The following FHAD1 variants were observed in gnomAD, a reference collection of about 807,000 sequenced individuals.
FHAD1 encodes forkhead associated phosphopeptide binding domain 1, also known as forkhead-associated domain-containing protein 1.
FHAD1 carries 146 observed loss-of-function variants against 191.3 expected under a neutral mutation model. That is an observed-to-expected ratio of 0.76 (90% confidence interval 0.67 to 0.88). The LOEUF is 0.88. FHAD1 is among the 40% of genes least tolerant of loss of function. The pLI is 0.00. For synonymous variants in FHAD1, 616 were observed against 672.3 expected, an observed-to-expected ratio of 0.92 and a Z score of 1.29; for missense variants, 1,635 against 1,785.8, an observed-to-expected ratio of 0.92 and a Z score of 1.52.
At chr1:15,302,182 C>T (rs112243031) in intron 6 of FHAD1, among the ~76,000 whole-genome samples, 3,088 of 152,276 alleles carry the variant, frequency 0.02, 77 homozygotes, top group African/African-American at 0.058. Flanking sequence ...GCTGTCACTT[C>T]AGTAACCGCG....
At chr1:15,386,280 C>A (rs1474954544) in intron 31 of FHAD1, among the ~76,000 whole-genome samples, 7 of 152,254 alleles carry the variant, frequency 4.6e-5, no homozygotes, top group Non-Finnish European at 1.0e-4. Context: ...GGGGCAGTGC[C>A]TGCATCGCTT....
chr1:15,267,576 TGG>T (rs1425455282), intron 2 of FHAD1, among the ~76,000 whole-genome samples: 1 of 152,036 alleles, frequency 6.6e-6, no homozygotes, highest in Non-Finnish European at 1.5e-5. Flanking sequence ...GGAACCCATC[TGG>T]GCCTGGTGCT....
At chr1:15,357,960 C>T (rs1230185678) in intron 20 of FHAD1, 150 bp from the exon 21 acceptor site, 2 of 590,280 alleles carry the variant, frequency 3.4e-6, no homozygotes. Context: ...TTGGAACCTT[C>T]CAGAGAAGGC....
Position 15,276,581 on chromosome 1 carries a change from G to A in FHAD1, c.300+4052G>A, listed in dbSNP as rs1468146150. On this transcript the variant is annotated intron_variant, in intron 3 of 33. Coordinates refer to ENST00000688493, the MANE Select transcript of FHAD1 (RefSeq NM_001391957.1). The surrounding 1 kb of genome is among the most constrained non-coding windows in gnomAD (Gnocchi z 4.7). Reference sequence around the variant, plus strand: ...TTTGGGAGGCCAAGGCAGGAGGATCGCTTGAGGCCAGGAGTTCAAGACCAG... The same window carrying A: ...TTTGGGAGGCCAAGGCAGGAGGATCACTTGAGGCCAGGAGTTCAAGACCAG... 3.3e-5 allele frequency among the ~76,000 whole-genome samples: 5 copies of A among 152,082 alleles called. No individual in the cohort carries two copies. The highest frequency in any genetic ancestry group is 1.3e-4 in the Admixed American group (2 of 15,276).
At chr1:15,271,330 A>C (rs540383114) in intron 2 of FHAD1, among the ~76,000 whole-genome samples, 4 of 152,216 alleles carry the variant, frequency 2.6e-5, no homozygotes, top group African/African-American at 7.2e-5. Flanking sequence ...AAAGACGAAG[A>C]CTTCAGTGTG....
At chr1:15,371,710 G>A (rs753269254) in intron 26 of FHAD1, among the ~76,000 whole-genome samples, 11 of 152,208 alleles carry the variant, frequency 7.2e-5, no homozygotes, top group Non-Finnish European at 1.0e-4. Context: ...GGGCAAACAC[G>A]CATCCTCAAG....
At chr1:15,382,258 G>A (rs1306794316) in intron 31 of FHAD1, 65 bp downstream of exon 31, 24 of 1,495,702 alleles carry the variant, frequency 1.6e-5, no homozygotes, top group South Asian at 5.0e-5. Context: ...AGCAATGGCC[G>A]AGGGTGGTCC....
chr1:15,367,228 C>A (rs563137930), intron 24 of FHAD1, among the ~76,000 whole-genome samples: 56 of 152,202 alleles, frequency 3.7e-4, no homozygotes, highest in African/African-American at 1.0e-3. Flanking sequence ...ATAGTAGCTA[C>A]CTTACACCTG....
At chr1:15,302,598 G>A (rs10927767) in intron 6 of FHAD1, among the ~76,000 whole-genome samples, 7,654 of 152,056 alleles carry the variant, frequency 0.05, 544 homozygotes, top group African/African-American at 0.16. Flanking sequence ...GGTGGCGGGC[G>A]CCTGTAGTCC....
chr1:15,357,156 A>G (rs1387108949), intron 20 of FHAD1, among the ~76,000 whole-genome samples: 1 of 152,226 alleles, frequency 6.6e-6, no homozygotes, highest in Non-Finnish European at 1.5e-5. Context: ...GAGTGTCTAG[A>G]AAGGTCACAG....
In FHAD1 at chr1:15,374,582, AT is replaced by A; in HGVS notation, c.3529del (p.Ser1177LeufsTer27). ...EVIQRQKKAL[S>X]ELRARIKELE... is the part of the protein sequence containing the mutation. ...TCATTCAGCGTCAGAAAAAGGCCTT[AT>A]CTGAACTTCGAGCGCGAATTAAAGA... On this transcript the variant is annotated frameshift_variant, in exon 27 of 34. Coordinates refer to ENST00000688493, the MANE Select transcript of FHAD1 (RefSeq NM_001391957.1). LOFTEE classifies it high-confidence loss of function. 2 of 1,551,696 alleles carry A rather than the reference AT, an allele frequency of 1.3e-6. No individual in the cohort carries two copies. The highest frequency in any genetic ancestry group is 1.7e-6 in the Non-Finnish European group (2 of 1,147,000).
chr1:15,248,030 C>T (rs539978555), intron 1 of FHAD1, among the ~76,000 whole-genome samples: 6 of 151,804 alleles, frequency 4.0e-5, no homozygotes, highest in African/African-American at 1.5e-4. Context: ...AGGGCCCAAC[C>T]CATTCAGCTA....
At chr1:15,402,326 T>TG (rs1707147014), downstream of FHAD1, among the ~76,000 whole-genome samples, 1 of 152,256 alleles carries the variant, frequency 6.6e-6, no homozygotes, top group South Asian at 2.1e-4. Flanking sequence ...GAGCACTTAC[T>TG]TTTTTTTAAA....
chr1:15,293,768 T>C (rs1236750662), intron 4 of FHAD1, among the ~76,000 whole-genome samples: 1 of 152,202 alleles, frequency 6.6e-6, no homozygotes, highest in Non-Finnish European at 1.5e-5. Flanking sequence ...TTGTTATCAT[T>C]GAGTCACATT....
intron 16 of FHAD1, 54 bp from the exon 17 acceptor site, chr1:15,345,029 C>T: frequency 7.1e-7 from 1 of 1,414,318 alleles, no homozygotes. Flanking sequence ...CTGGCAGCGT[C>T]CAAATTCCTG....
chr1:15,239,984 C>T (rs749228873), intron 1 of FHAD1, among the ~76,000 whole-genome samples: 1 of 152,210 alleles, frequency 6.6e-6, no homozygotes, highest in Non-Finnish European at 1.5e-5. Context: ...TACACAGTGG[C>T]GCCCAATTAC....
chr1:15,328,659 A>G lies in FHAD1; in HGVS notation c.1710+230A>G, dbSNP rs533417638. 72 of 388,396 alleles carry G rather than the reference A, an allele frequency of 1.9e-4. No individual in the cohort carries two copies. The South Asian group carries it at 3.5e-3, about 19-fold the overall frequency. 24.1% of individuals were successfully genotyped at this position (388,396 alleles called of 1,614,324 possible). A position where few individuals can be genotyped will look rare whatever the true frequency, so the allele number is the denominator to read the frequency against. On this transcript the variant is annotated intron_variant, in intron 13 of 33. Transcript: ENST00000688493. ...CAAAAAAGATGCCTGAGCATCTTCA[A>G]TTACTGACTTTGAGCGGCCCGCATC...
rs981594410 is a variant in FHAD1 at position 15,276,459 on chromosome 1, A to G, written c.300+3930A>G. Reference sequence around the variant, plus strand: ...TGGTTTACAAAGTACATTGGCACCCACGATATGCTTAAGAGTACACGTTAT... The same window carrying G: ...TGGTTTACAAAGTACATTGGCACCCGCGATATGCTTAAGAGTACACGTTAT... On this transcript the variant is annotated intron_variant, in intron 3 of 33. Transcript: ENST00000688493. The surrounding 1 kb of genome is among the most constrained non-coding windows in gnomAD (Gnocchi z 4.7). 1.3e-5 allele frequency among the ~76,000 whole-genome samples: 2 copies of G among 152,256 alleles called. No individual in the cohort carries two copies. Among genetic ancestry groups the G allele is most frequent in the African/African-American group, 2.4e-5 (1 of 41,462 alleles).
chr1:15,311,257 G>A lies in FHAD1; in HGVS notation c.1040-1800G>A, dbSNP rs776388205. Among the ~76,000 whole-genome samples the A allele has an allele frequency of 2.0e-5, 3 of 152,118 alleles. No homozygotes were observed. Among genetic ancestry groups the A allele is most frequent in the African/African-American group, 2.4e-5 (1 of 41,432 alleles). ...CAGGCGGGAGGGGGCTGCACGGAGAGCACCCCGGAGATCTCAGAGGGTCCG... is the reference window on the plus strand; with the variant it reads ...CAGGCGGGAGGGGGCTGCACGGAGAACACCCCGGAGATCTCAGAGGGTCCG... On this transcript the variant is annotated intron_variant, in intron 7 of 33. Transcript: ENST00000688493. The surrounding 1 kb of genome is among the most constrained non-coding windows in gnomAD (Gnocchi z 4.1).
Sources: allele counts gnomAD v4.1 joint callset (sites outside exome capture counted in the v4.1 genomes callset), GRCh38; gene constraint gnomAD v4.1.1; non-coding constraint Gnocchi (gnomAD v3.1); transcripts MANE v1.5; gene names NCBI Gene and HGNC (gene_info 2026-07-23, HGNC 2026-07-21).